The following TRABD2B variants were observed in gnomAD, a reference collection of about 807,000 sequenced individuals.
TRABD2B encodes TraB domain containing 2B.
In TRABD2B, 14 loss-of-function variants were observed where a neutral mutation model predicts 40.1. The observed-to-expected ratio is 0.35, with a 90% confidence interval of 0.23 to 0.55. The LOEUF (loss-of-function observed/expected upper bound fraction) is 0.55, where lower values mean the gene tolerates loss of function less well. Ranked by LOEUF, TRABD2B falls within the 20% of genes least tolerant of loss-of-function variation. TRABD2B has a pLI of 0.90. For missense variants in TRABD2B, 541 were observed against 648.6 expected, an observed-to-expected ratio of 0.83 and a Z score of 1.80; for synonymous variants, 263 against 277.0, an observed-to-expected ratio of 0.95 and a Z score of 0.50.
intron 2 of TRABD2B, among the ~76,000 whole-genome samples, chr1:47,904,288 G>A (rs1644645567): frequency 6.6e-6 from 1 of 152,158 alleles, no homozygotes; most frequent in African/African-American, 2.4e-5. Flanking sequence ...CATGATCAAT[G>A]GCTGGGATGG....
At chr1:47,830,826 A>C (rs912626975) in intron 2 of TRABD2B, among the ~76,000 whole-genome samples, 3 of 152,156 alleles carry the variant, frequency 2.0e-5, no homozygotes, top group Admixed American at 2.0e-4. Flanking sequence ...TAATATTTTT[A>C]ATAGTTTGTG....
intron 2 of TRABD2B, among the ~76,000 whole-genome samples, chr1:47,931,391 C>T (rs1000545502): frequency 2.6e-5 from 4 of 152,096 alleles, no homozygotes; most frequent in African/African-American, 7.2e-5. Flanking sequence ...CATCTGGACA[C>T]GTGTGCTGAG....
At chr1:47,910,080 G>C (rs1644741885) in intron 2 of TRABD2B, among the ~76,000 whole-genome samples, 1 of 151,704 alleles carries the variant, frequency 6.6e-6, no homozygotes, top group Non-Finnish European at 1.5e-5. Flanking sequence ...GGCTGGCCTT[G>C]ACCTCCTGAG....
chr1:47,971,343 T>C (rs1354172010), intron 2 of TRABD2B, among the ~76,000 whole-genome samples: 1 of 152,186 alleles, frequency 6.6e-6, no homozygotes, highest in African/African-American at 2.4e-5. Flanking sequence ...GTCAGCTCTC[T>C]CAATACATGA....
chr1:47,885,292 G>C (rs1484484277), intron 2 of TRABD2B, among the ~76,000 whole-genome samples: 1 of 152,174 alleles, frequency 6.6e-6, no homozygotes, highest in Non-Finnish European at 1.5e-5. Flanking sequence ...CCTCCTCCAG[G>C]AAGCCCTCGC....
chr1:47,993,370 C>A (rs931880544), intron 2 of TRABD2B, among the ~76,000 whole-genome samples: 1 of 152,206 alleles, frequency 6.6e-6, no homozygotes, highest in Non-Finnish European at 1.5e-5. Flanking sequence ...TCCCTTCTCT[C>A]CTACTTCTGA....
chr1:47,829,062 T>G (rs1284748633), intron 2 of TRABD2B, among the ~76,000 whole-genome samples: 2 of 152,198 alleles, frequency 1.3e-5, no homozygotes, highest in Non-Finnish European at 2.9e-5. Flanking sequence ...GGGTCATTAC[T>G]GCTGAGGAAA....
chr1:47,925,860 T>G (rs1644962296), intron 2 of TRABD2B, among the ~76,000 whole-genome samples: 1 of 152,264 alleles, frequency 6.6e-6, no homozygotes, highest in Non-Finnish European at 1.5e-5. Flanking sequence ...GCTGCCATGG[T>G]GCAGGAGGAG....
At chr1:47,842,510 G>A (rs990842212) in intron 2 of TRABD2B, among the ~76,000 whole-genome samples, 10 of 152,122 alleles carry the variant, frequency 6.6e-5, no homozygotes, top group South Asian at 4.1e-4. Flanking sequence ...CACCAGCCTC[G>A]GTGGAAAGCT....
At chr1:47,968,228 G>A (rs1416288756) in intron 2 of TRABD2B, among the ~76,000 whole-genome samples, 2 of 152,166 alleles carry the variant, frequency 1.3e-5, no homozygotes, top group Non-Finnish European at 2.9e-5. Context: ...TGATAACTAT[G>A]CGTTCATGAC....
chr1:47,841,352 C>T (rs1228057356), intron 2 of TRABD2B, among the ~76,000 whole-genome samples: 2 of 152,206 alleles, frequency 1.3e-5, no homozygotes, highest in Admixed American at 1.3e-4. Context: ...GTTGCAGCAA[C>T]AAGATAAGAC....
At chr1:47,973,211 T>C (rs757303015) in intron 2 of TRABD2B, among the ~76,000 whole-genome samples, 1 of 152,328 alleles carries the variant, frequency 6.6e-6, no homozygotes, top group Middle Eastern at 3.4e-3. Context: ...TACAGTTCAA[T>C]GACAGGCACA....
chr1:47,894,524 G>A (rs1268112656), intron 2 of TRABD2B, among the ~76,000 whole-genome samples: 1 of 152,180 alleles, frequency 6.6e-6, no homozygotes, highest in Admixed American at 6.5e-5. Flanking sequence ...CAAGTGCCAC[G>A]AAGAACAGCA....
chr1:47,799,301 C>T (rs567045717), intron 3 of TRABD2B, among the ~76,000 whole-genome samples: 9 of 152,288 alleles, frequency 5.9e-5, no homozygotes, highest in East Asian at 1.9e-4. Flanking sequence ...TCAGGACTCA[C>T]GGGGGTCTCC....
At chr1:47,824,135 C>T (rs1359325256) in intron 2 of TRABD2B, among the ~76,000 whole-genome samples, 1 of 152,186 alleles carries the variant, frequency 6.6e-6, no homozygotes, top group Non-Finnish European at 1.5e-5. Flanking sequence ...CTATCTACTG[C>T]ACAGGGTTGC....
intron 2 of TRABD2B, among the ~76,000 whole-genome samples, chr1:47,932,007 C>A (rs1374790832): frequency 6.6e-6 from 1 of 152,186 alleles, no homozygotes; most frequent in Non-Finnish European, 1.5e-5. Flanking sequence ...GGGCCTGAAT[C>A]ATTCACTGAG....
At chr1:47,898,293 G>A (rs1004922620) in intron 2 of TRABD2B, among the ~76,000 whole-genome samples, 3 of 152,148 alleles carry the variant, frequency 2.0e-5, no homozygotes, top group African/African-American at 2.4e-5. Flanking sequence ...CTTTGAGCCC[G>A]GGCTGCTCTG....
At chr1:47,819,965 A>G (rs189792130) in intron 2 of TRABD2B, 18 of 152,266 alleles carry the variant, frequency 1.2e-4, no homozygotes, top group Admixed American at 1.0e-3. Flanking sequence ...CACTTTCTCA[A>G]TAAGGTCCAC....
chr1:47,921,117 A>G (rs1644896142), intron 2 of TRABD2B, among the ~76,000 whole-genome samples: 1 of 152,216 alleles, frequency 6.6e-6, no homozygotes, highest in Non-Finnish European at 1.5e-5. Context: ...GGACCACAGA[A>G]TTTGATCTGT....
Sources: gnomAD v4.1 joint callset for allele counts (sites outside exome capture counted in the v4.1 genomes callset) on GRCh38, gnomAD v4.1.1 for gene constraint, MANE v1.5 for transcripts, NCBI Gene and HGNC (gene_info 2026-07-23, HGNC 2026-07-21) for gene names.